CAAP1: variants seen among roughly 807,000 people sequenced by gnomAD.
CAAP1 encodes the protein conserved anti-apoptotic protein.
CAAP1 carries 20 observed loss-of-function variants against 34.0 expected under a neutral mutation model. The ratio of observed to expected loss-of-function variants is 0.59; its 90% CI spans 0.41 to 0.86. The LOEUF (loss-of-function observed/expected upper bound fraction) is 0.86. Ranked by LOEUF, CAAP1 falls within the 40% of genes least tolerant of loss-of-function variation. The pLI, the probability that CAAP1 is intolerant of heterozygous loss-of-function variation, is 0.00. For missense variants in CAAP1, 538 were observed against 450.5 expected, an observed-to-expected ratio of 1.19 and a Z score of -1.76; for synonymous variants, 213 against 166.7, an observed-to-expected ratio of 1.28 and a Z score of -2.14.
At chr9:26,883,704 C>G (rs572067815) in intron 4 of CAAP1, among the ~76,000 whole-genome samples, 1 of 151,854 alleles carries the variant, frequency 6.6e-6, no homozygotes, top group Admixed American at 6.6e-5. Context: ...TGTTGATCAA[C>G]GTGGGGAATG....
chr9:26,844,357 C>CA (rs199937458), intron 5 of CAAP1, among the ~76,000 whole-genome samples: 6,422 of 145,662 alleles, frequency 0.044, 200 homozygotes, highest in South Asian at 0.11. Context: ...AACTCCGTCT[C>CA]AAAAAAAAAA....
At chr9:26,851,376 C>T (rs141589749) in intron 5 of CAAP1, among the ~76,000 whole-genome samples, 102 of 152,166 alleles carry the variant, frequency 6.7e-4, no homozygotes, top group African/African-American at 2.4e-3. Context: ...CAAAATGCTA[C>T]ATGTAAAGCT....
intron 5 of CAAP1, among the ~76,000 whole-genome samples, chr9:26,847,422 G>A (rs1229949896): frequency 6.6e-6 from 1 of 151,524 alleles, no homozygotes; most frequent in African/African-American, 2.4e-5. Context: ...CACCGTGTTA[G>A]CCAGGATGGT....
At chr9:26,870,337 A>G (rs1258922749) in intron 4 of CAAP1, among the ~76,000 whole-genome samples, 2 of 152,086 alleles carry the variant, frequency 1.3e-5, no homozygotes, top group African/African-American at 4.8e-5. Context: ...TGGAAGGGAC[A>G]CAGTGAGTGA....
intron 5 of CAAP1, among the ~76,000 whole-genome samples, chr9:26,848,730 T>G (rs1186702646): frequency 2.6e-5 from 4 of 152,186 alleles, no homozygotes; most frequent in Non-Finnish European, 5.9e-5. Flanking sequence ...CTCCTTTTTA[T>G]TTATATTAGG....
At chr9:26,892,139 G>T (rs7860830) in intron 1 of CAAP1, 1 of 790,300 alleles carries the variant, frequency 1.3e-6, no homozygotes, top group East Asian at 3.3e-5. Context: ...TTCCGGCAGA[G>T]TGAAACCATA....
intron 3 of CAAP1, among the ~76,000 whole-genome samples, chr9:26,885,371 G>C (rs528876858): frequency 6.6e-6 from 1 of 152,026 alleles, no homozygotes; most frequent in Non-Finnish European, 1.5e-5. Flanking sequence ...CATCGCGCCC[G>C]GCCTCATTGA....
intron 4 of CAAP1, among the ~76,000 whole-genome samples, chr9:26,872,299 G>A (rs1305767966): frequency 6.6e-6 from 1 of 152,044 alleles, no homozygotes; most frequent in African/African-American, 2.4e-5. Context: ...GGAAACTCCT[G>A]TTTTGAAGGG....
chr9:26,854,114 T>C (rs1822815565), intron 5 of CAAP1, among the ~76,000 whole-genome samples: 1 of 152,138 alleles, frequency 6.6e-6, no homozygotes, highest in African/African-American at 2.4e-5. Flanking sequence ...GCCAGGTTGA[T>C]ACTGAGGTGA....
At position 26,892,414 on chromosome 9, in the gene CAAP1, T is replaced by A. The variant is rs1563897382; in HGVS notation, c.302A>T (p.Gln101Leu). 6.2e-7 allele frequency: 1 copy of A among 1,605,136 alleles called. No individual in the cohort carries two copies. The highest frequency in any genetic ancestry group is 8.5e-7 in the Non-Finnish European group (1 of 1,178,338). ...GCGGCCAGAGGGGCGCGCACGCACC[T>A]GCTGCAAGGAGCCCGAGACGCTGGA... is the stretch of plus-strand genomic sequence containing the variant. ...DSSSVSGSLQ[Q>L]ETKYILPTLE... is the part of the protein sequence containing the mutation. The change falls in exon 1 of 6, where the codon CAG (glutamine) becomes CTG (leucine). Residue 101 changes from glutamine to leucine, a missense_variant and splice_region_variant. Physicochemically the swap from Gln to Leu is moderately radical, Grantham distance 113. Transcript: ENST00000333916.
intron 4 of CAAP1, among the ~76,000 whole-genome samples, chr9:26,884,222 G>A (rs896710024): frequency 6.6e-5 from 10 of 152,128 alleles, no homozygotes; most frequent in Non-Finnish European, 2.9e-5. Context: ...AAATTAAAAG[G>A]TGAAACTTTG....
intron 5 of CAAP1, among the ~76,000 whole-genome samples, chr9:26,853,972 A>T (rs1403474514): frequency 6.6e-6 from 1 of 152,218 alleles, no homozygotes; most frequent in East Asian, 1.9e-4. Context: ...CAAAATTTGA[A>T]GAGCTATTAT....
intron 5 of CAAP1, among the ~76,000 whole-genome samples, chr9:26,852,776 T>A (rs1822782424): frequency 6.6e-6 from 1 of 152,032 alleles, no homozygotes; most frequent in Admixed American, 6.5e-5. Flanking sequence ...ATTCTAGGTT[T>A]ATTAGAAGGT....
At chr9:26,846,415 C>CAAAAAAAAAA (rs761402354) in intron 5 of CAAP1, among the ~76,000 whole-genome samples, 3 of 61,740 alleles carry the variant, frequency 4.9e-5, no homozygotes, top group East Asian at 6.1e-4. Context: ...GACTCTGTCT[C>CAAAAAAAAAA]AAAAAAAAAA....
chr9:26,892,136 A>C lies in CAAP1; in HGVS notation c.303+277T>G, dbSNP rs138901050. 6.6e-4 allele frequency: 495 copies of C among 751,092 alleles called. 4 individuals are homozygous for C. The African/African-American group carries it at 8.1e-3, about 12-fold the overall frequency. 46.5% of individuals were successfully genotyped at this position (751,092 alleles called of 1,614,324 possible). On this transcript the variant is annotated intron_variant, in intron 1 of 5. Coordinates refer to ENST00000333916, the MANE Select transcript of CAAP1 (RefSeq NM_024828.4). ...AGCTTCCAACTCGTATTCTTCCGGC[A>C]GAGTGAAACCATAGGAGTGGAAGGA...
intron 4 of CAAP1, among the ~76,000 whole-genome samples, chr9:26,870,325 T>C (rs184481397): frequency 2.6e-5 from 4 of 152,110 alleles, no homozygotes; most frequent in Admixed American, 1.3e-4. Context: ...TTTAAAATAA[T>C]ATGGAAGGGA....
At chr9:26,872,714 C>T (rs535997403) in intron 4 of CAAP1, among the ~76,000 whole-genome samples, 1 of 151,856 alleles carries the variant, frequency 6.6e-6, no homozygotes, top group East Asian at 1.9e-4. Flanking sequence ...AAGCCACCAT[C>T]CCCTAAAATA....
chr9:26,892,329 A>T (rs754277128), intron 1 of CAAP1, 84 bp downstream of exon 1: 1 of 1,560,048 alleles, frequency 6.4e-7, no homozygotes, highest in Non-Finnish European at 8.6e-7. Context: ...AGTGAGCTCC[A>T]GCCTGCGCCC....
intron 5 of CAAP1, among the ~76,000 whole-genome samples, chr9:26,852,115 A>G (rs1023461292): frequency 6.9e-6 from 1 of 144,170 alleles, no homozygotes; most frequent in African/African-American, 2.6e-5. Flanking sequence ...GCTGGAGTGC[A>G]GTGGCCCAAT....
Sources: gnomAD v4.1 joint callset for allele counts (sites outside exome capture counted in the v4.1 genomes callset) on GRCh38, gnomAD v4.1.1 for gene constraint, MANE v1.5 for transcripts, NCBI Gene and HGNC (gene_info 2026-07-23, HGNC 2026-07-21) for gene names.